Variants in CEP164 observed in about 807,000 individuals in gnomAD.
CEP164 encodes the protein centrosomal protein of 164 kDa.
In CEP164, 162 loss-of-function variants were observed where a neutral mutation model predicts 182.7. The observed-to-expected ratio is 0.89, with a 90% CI of 0.78 to 1.01. The LOEUF (loss-of-function observed/expected upper bound fraction) is 1.01. CEP164 is among the 50% of genes least tolerant of loss of function. CEP164 has a pLI of 0.00. For missense variants in CEP164, 1,735 were observed against 1,790.4 expected, an observed-to-expected ratio of 0.97 and a Z score of 0.56; for synonymous variants, 661 against 690.0, an observed-to-expected ratio of 0.96 and a Z score of 0.66.
chr11:117,341,525 C>G (rs768573190), intron 3 of CEP164, among the ~76,000 whole-genome samples: 1 of 151,700 alleles, frequency 6.6e-6, no homozygotes, highest in Non-Finnish European at 1.5e-5. Flanking sequence ...CTTATTGAAG[C>G]CTTGACCCCT....
intron 4 of CEP164, among the ~76,000 whole-genome samples, chr11:117,351,582 T>C (rs1358805812): frequency 2.6e-5 from 4 of 152,074 alleles, no homozygotes; most frequent in Non-Finnish European, 5.9e-5. Context: ...GCTAACTCCT[T>C]CTTAGCCAAA....
intron 8 of CEP164, among the ~76,000 whole-genome samples, chr11:117,368,602 G>T (rs2041894938): frequency 6.6e-6 from 1 of 152,180 alleles, no homozygotes; most frequent in Non-Finnish European, 1.5e-5. Context: ...GGCCAGGGTG[G>T]GTTGGCCCTG....
At position 117,394,401 on chromosome 11, in the gene CEP164, C is replaced by T. The variant is rs772514202; in HGVS notation, c.2668C>T (p.Arg890Cys). 5 of 1,612,402 alleles carry T rather than the reference C, an allele frequency of 3.1e-6. No individual in the cohort carries two copies. Among genetic ancestry groups the T allele is most frequent in the Non-Finnish European group, 2.5e-6 (3 of 1,179,430 alleles). ...LLGHLTGELE[R>C]LQRAHERELE... is the part of the protein sequence containing the mutation. ...GGGGCACCTGACCGGAGAGCTGGAG[C>T]GCCTGCAGAGGGCCCATGAACGAGA... is the stretch of plus-strand genomic sequence containing the variant. The change falls in exon 21 of 33, where the codon CGC becomes TGC. Residue 890 changes from arginine (R) to cysteine (C), a missense_variant. Arg to Cys is a radical substitution (Grantham distance 180). Coordinates refer to ENST00000278935, the MANE Select transcript of CEP164 (RefSeq NM_014956.5). This position sits in a 1 kb window ranked among gnomAD's most constrained non-coding sequence, Gnocchi z 4.0.
At chr11:117,403,671 T>C (rs983171457) in intron 27 of CEP164, among the ~76,000 whole-genome samples, 1 of 152,206 alleles carries the variant, frequency 6.6e-6, no homozygotes, top group Non-Finnish European at 1.5e-5. Flanking sequence ...TGTGGTGTTC[T>C]CTGTATTTCC....
intron 3 of CEP164, among the ~76,000 whole-genome samples, chr11:117,340,112 G>A (rs1007355402): frequency 2.0e-5 from 3 of 151,912 alleles, no homozygotes; most frequent in African/African-American, 7.3e-5. Flanking sequence ...TGCAACCTCC[G>A]CCTCCCAGGT....
At chr11:117,347,584 C>T (rs912986327) in intron 4 of CEP164, among the ~76,000 whole-genome samples, 2 of 151,444 alleles carry the variant, frequency 1.3e-5, no homozygotes, top group South Asian at 2.1e-4. Flanking sequence ...GTGGCACATG[C>T]CTGTAATCCC....
intron 10 of CEP164, among the ~76,000 whole-genome samples, chr11:117,374,489 A>G (rs2042535090): frequency 6.6e-6 from 1 of 152,148 alleles, no homozygotes; most frequent in Middle Eastern, 3.2e-3. Context: ...GTCAGGGATG[A>G]ACAGTAATGA....
intron 3 of CEP164, among the ~76,000 whole-genome samples, 164 bp downstream of exon 3, chr11:117,338,832 GT>G (rs968901882): frequency 6.6e-6 from 1 of 151,152 alleles, no homozygotes; most frequent in Non-Finnish European, 1.5e-5. Context: ...CCTCTTGCCT[GT>G]TTTTTTTTAA....
chr11:117,331,411 A>G (rs996346034), intron 1 of CEP164, among the ~76,000 whole-genome samples: 1 of 110,458 alleles, frequency 9.1e-6, no homozygotes, highest in African/African-American at 3.5e-5. Flanking sequence ...AATCTGTAAT[A>G]CTAGCTAAAT....
In CEP164 at chr11:117,380,644, G is replaced by C; in HGVS notation, c.1348G>C (p.Asp450His). The C allele has an allele frequency of 6.2e-7, 1 of 1,607,218 alleles. No individual in the cohort carries two copies. Among genetic ancestry groups the C allele is most frequent in the Non-Finnish European group, 8.5e-7 (1 of 1,176,912 alleles). Reference protein sequence around the residue: ...AQQPLGIEDKDDSQSSQDELQ... With the variant: ...AQQPLGIEDKHDSQSSQDELQ... ...GCAACCACTGGGAATAGAAGACAAG[G>C]ATGACAGCCAGTCCAGCCAAGATGA... is the stretch of plus-strand genomic sequence containing the variant. Residue 450 changes from aspartate to histidine, a missense_variant, in exon 12 of 33, where the codon GAT becomes CAT. Asp to His is a moderately conservative substitution (Grantham distance 81, BLOSUM62 -1). Transcript: ENST00000278935.
chr11:117,357,748 G>T (rs1056193477), intron 5 of CEP164, among the ~76,000 whole-genome samples: 3 of 151,364 alleles, frequency 2.0e-5, no homozygotes, highest in Non-Finnish European at 4.4e-5. Flanking sequence ...TATGAGAGAC[G>T]GAGGCCAGAA....
chr11:117,392,630 G>A lies in CEP164; in HGVS notation c.2493+3G>A, dbSNP rs1307937067. 6.2e-7 allele frequency: 1 copy of A among 1,613,672 alleles called. No homozygotes were observed. On this transcript the variant is annotated splice_donor_region_variant and intron_variant, in intron 19 of 32. Transcript: ENST00000278935. ...ACGTGGCTGGGTATGAGCACGAGGT[G>A]AGTGCTGCTCTGTCTTCCACAGTCG...
intron 5 of CEP164, among the ~76,000 whole-genome samples, chr11:117,354,023 T>TTCTTC (rs1219516937): frequency 1.4e-5 from 2 of 141,838 alleles, no homozygotes; most frequent in Non-Finnish European, 3.1e-5. Context: ...CTTCTTCTTC[T>TTCTTC]TTTTTTTTTT....
intron 13 of CEP164, 188 bp from the exon 14 acceptor site, chr11:117,382,608 C>G (rs933071203): frequency 9.4e-6 from 6 of 637,326 alleles, no homozygotes; most frequent in African/African-American, 9.1e-5. Context: ...GCAGGAGTCT[C>G]TAGTCTTTGA....
At chr11:117,335,257 G>A (rs569967526) in intron 1 of CEP164, among the ~76,000 whole-genome samples, 2 of 152,298 alleles carry the variant, frequency 1.3e-5, no homozygotes, top group South Asian at 2.1e-4. Context: ...AGGGTTGGGA[G>A]CACATTCCCA....
intron 1 of CEP164, among the ~76,000 whole-genome samples, chr11:117,334,573 A>T (rs980186646): frequency 2.0e-5 from 3 of 152,096 alleles, no homozygotes; most frequent in African/African-American, 7.2e-5. Flanking sequence ...ATCACCTGAG[A>T]TCAGGAGTTT....
At chr11:117,359,613 T>C (rs978695472) in intron 5 of CEP164, 6 of 984,822 alleles carry the variant, frequency 6.1e-6, no homozygotes, top group Non-Finnish European at 7.2e-6. Flanking sequence ...GGTTTCCTTT[T>C]CTCTCTTCAG....
At chr11:117,377,559 C>A (rs977804210) in intron 11 of CEP164, among the ~76,000 whole-genome samples, 1 of 152,178 alleles carries the variant, frequency 6.6e-6, no homozygotes, top group Non-Finnish European at 1.5e-5. Context: ...AGAGCAGCAG[C>A]CCCTTCATGG....
At position 117,409,769 on chromosome 11, in the gene CEP164, G is replaced by C; in HGVS notation, c.3900G>C (p.Gln1300His). The C allele has an allele frequency of 6.2e-7, 1 of 1,613,846 alleles. No homozygotes were observed. Among genetic ancestry groups the C allele is most frequent in the African/African-American group, 1.3e-5 (1 of 75,006 alleles). The change falls in exon 30 of 33, where the codon CAG (glutamine) becomes CAC (histidine). Residue 1300 changes from glutamine (Q) to histidine (H), a missense_variant. Transcript: ENST00000278935. This position sits in a 1 kb window ranked among gnomAD's most constrained non-coding sequence, Gnocchi z 4.4. ...PPPLLASMPA[Q>H]LPPRDPKSTP... ...CGCTCCTCGCCTCCATGCCAGCCCA[G>C]CTCCCTCCCCGGGACCCTAAGAGCA...
Sources: allele counts gnomAD v4.1 joint callset (sites outside exome capture counted in the v4.1 genomes callset), GRCh38; gene constraint gnomAD v4.1.1; non-coding constraint Gnocchi (gnomAD v3.1); transcripts MANE v1.5; gene names NCBI Gene and HGNC (gene_info 2026-07-23, HGNC 2026-07-21).